PC: variants seen among roughly 807,000 people sequenced by gnomAD.
PC encodes pyruvate carboxylase.
A neutral mutation model predicts 107.8 loss-of-function variants in PC; 46 were observed. That is an observed-to-expected ratio of 0.43 (90% CI 0.34 to 0.55). PC has a LOEUF of 0.55. PC is among the 20% of genes least tolerant of loss of function. PC has a pLI of 0.04. For missense variants in PC, 1,241 were observed against 1,643.1 expected (o/e 0.76, Z 4.23); for synonymous variants, 662 against 684.7 (o/e 0.97, Z 0.52).
rs1945289526 is a variant in PC at position 66,848,651 on chromosome 11, G to A, written c.*248C>T. On this transcript the variant is annotated 3_prime_UTR_variant, in exon 23 of 23. Coordinates refer to ENST00000393960, the MANE Select transcript of PC (RefSeq NM_001040716.2). ...CCTAGGACCACCTGACCCACCACTT[G>A]TAGTCTCCAGTGAGGAGGGGACCCT... 3.3e-6 allele frequency: 2 copies of A among 614,414 alleles called. No homozygotes were observed. The highest frequency in any genetic ancestry group is 2.7e-5 in the East Asian group (1 of 36,570). The allele number at this position is 614,414 out of a possible 1,614,324, so 38.1% of individuals were successfully genotyped here.
In PC at chr11:66,852,654, G is replaced by A; in HGVS notation, c.1610C>T (p.Pro537Leu). Reference protein sequence around the residue: ...PVVPAVPIGPPPAGFRDILLR... With the variant: ...PVVPAVPIGPLPAGFRDILLR... ...CAGGATGTCTCTGAAACCAGCCGGGGGCGGGCCTAGGGTAGACAGGGGCAT... is the reference window on the plus strand; with the variant it reads ...CAGGATGTCTCTGAAACCAGCCGGGAGCGGGCCTAGGGTAGACAGGGGCAT... The change falls in exon 15 of 23, where the codon CCC becomes CTC. Residue 537 changes from proline to leucine, a missense_variant. Physicochemically the swap from Pro to Leu is moderately conservative, Grantham distance 98. Transcript: ENST00000393960. The surrounding 1 kb of genome is among the most constrained non-coding windows in gnomAD (Gnocchi z 4.7). The A allele has an allele frequency of 6.2e-7, 1 of 1,613,690 alleles. No homozygotes were observed. The highest frequency in any genetic ancestry group is 8.5e-7 in the Non-Finnish European group (1 of 1,179,706).
intron 3 of PC, among the ~76,000 whole-genome samples, chr11:66,903,752 GAAAAA>G (rs1175402409): frequency 3.1e-4 from 24 of 76,192 alleles, no homozygotes; most frequent in South Asian, 7.9e-4. Context: ...TCCATCTCAG[GAAAAA>G]AAAAAAAAAA....
intron 3 of PC, among the ~76,000 whole-genome samples, chr11:66,873,665 C>T (rs1042775643): frequency 6.8e-6 from 1 of 146,458 alleles, no homozygotes; most frequent in African/African-American, 2.5e-5. Flanking sequence ...TGAAGGAAAC[C>T]AAGGTACAGT....
At chr11:66,856,441 CCGGAGG>C (rs1009452880) in intron 12 of PC, among the ~76,000 whole-genome samples, 3 of 151,940 alleles carry the variant, frequency 2.0e-5, no homozygotes, top group African/African-American at 7.2e-5. Flanking sequence ...GGGCGCCTGC[CCGGAGG>C]CCAAGCCCTC....
intron 3 of PC, among the ~76,000 whole-genome samples, chr11:66,885,221 G>A (rs1339695441): frequency 6.6e-6 from 1 of 152,184 alleles, no homozygotes; most frequent in Non-Finnish European, 1.5e-5. Context: ...AGGCGCGATG[G>A]CTCACGCCTG....
At chr11:66,855,675 G>A (rs941407784) in intron 12 of PC, among the ~76,000 whole-genome samples, 1 of 152,222 alleles carries the variant, frequency 6.6e-6, no homozygotes, top group Non-Finnish European at 1.5e-5. Flanking sequence ...CCTGCACCAG[G>A]ACTGAATCCC....
chr11:66,925,343 G>A lies in PC; in HGVS notation c.-1+27087C>T, dbSNP rs532011538. On this transcript the variant is annotated intron_variant, in intron 3 of 22. Coordinates refer to ENST00000393960, the MANE Select transcript of PC (RefSeq NM_001040716.2). ...CCCTACGGCTTAGACCATAAAAGAC[G>A]GCTGCCCCCGAAGCGGCCATTTCAG... Among the ~76,000 whole-genome samples the A allele has an allele frequency of 1.6e-4, 24 of 152,206 alleles. No individual in the cohort carries two copies. In the South Asian group the frequency reaches 2.3e-3, roughly 14 times the overall value.
intron 3 of PC, among the ~76,000 whole-genome samples, chr11:66,883,060 A>T (rs117303800): frequency 0.15 from 23,120 of 152,246 alleles, 2,275 homozygotes; most frequent in Non-Finnish European, 0.22. Flanking sequence ...CTGGGCCCCC[A>T]GGAGCGCCGG....
At chr11:66,889,037 G>A (rs972074825) in intron 3 of PC, among the ~76,000 whole-genome samples, 4 of 152,140 alleles carry the variant, frequency 2.6e-5, no homozygotes, top group South Asian at 2.1e-4. Flanking sequence ...TCGCGACACC[G>A]CACCCCAGCC....
intron 11 of PC, among the ~76,000 whole-genome samples, chr11:66,864,386 C>A (rs954468140): frequency 6.6e-6 from 1 of 152,260 alleles, no homozygotes; most frequent in East Asian, 1.9e-4. Context: ...AAGGGCCTCG[C>A]CGTGGGCTCC....
rs138231691 is a variant in PC at position 66,906,883 on chromosome 11, C to T, written c.1-34724G>A. 3.9e-5 allele frequency among the ~76,000 whole-genome samples: 6 copies of T among 152,334 alleles called. 1 individual carries two copies. In the East Asian group the frequency reaches 5.8e-4, roughly 15 times the overall value. On this transcript the variant is annotated intron_variant, in intron 3 of 22. Coordinates refer to ENST00000393960, the MANE Select transcript of PC (RefSeq NM_001040716.2). Reference sequence around the variant, plus strand: ...GCCAGAGGTCTGGTCTCCCAAAATACGGGTAGTAACATGTTTTTCCTGCAC... The same window carrying T: ...GCCAGAGGTCTGGTCTCCCAAAATATGGGTAGTAACATGTTTTTCCTGCAC...
intron 3 of PC, among the ~76,000 whole-genome samples, chr11:66,906,711 C>T (rs976893378): frequency 3.3e-5 from 5 of 152,024 alleles, no homozygotes; most frequent in Admixed American, 1.3e-4. Context: ...CATGACCTGG[C>T]AGGGAGCCTG....
intron 16 of PC, 74 bp downstream of exon 16, chr11:66,851,716 G>A: frequency 6.8e-7 from 1 of 1,468,444 alleles, no homozygotes; most frequent in Non-Finnish European, 9.5e-7. Flanking sequence ...GTGGAGAACA[G>A]AGGCCATCAC....
rs138282073 is a variant in PC at position 66,930,018 on chromosome 11, G to A, written c.-1+22412C>T. 8.1e-4 allele frequency among the ~76,000 whole-genome samples: 123 copies of A among 151,904 alleles called. 2 individuals carry two copies. The highest frequency in any genetic ancestry group is 2.6e-3 in the African/African-American group (107 of 41,430). ...GAAGCACGGCCCAGAGCCCAGCCAC[G>A]GTGGGAAATCTAAAGAGATCTTACC... is the stretch of plus-strand genomic sequence containing the variant. On this transcript the variant is annotated intron_variant, in intron 3 of 22. Coordinates refer to ENST00000393960, the MANE Select transcript of PC (RefSeq NM_001040716.2).
At chr11:66,907,553 C>T (rs538664418) in intron 3 of PC, among the ~76,000 whole-genome samples, 2 of 152,146 alleles carry the variant, frequency 1.3e-5, no homozygotes, top group Admixed American at 6.5e-5. Context: ...CAAATCTGTT[C>T]TCAGGTCAAG....
At chr11:66,931,376 C>T (rs1458377807) in intron 3 of PC, among the ~76,000 whole-genome samples, 1 of 116,516 alleles carries the variant, frequency 8.6e-6, no homozygotes, top group Non-Finnish European at 1.7e-5. Flanking sequence ...GGCAAGATTC[C>T]ATCTCAAGAA....
chr11:66,879,324 G>A (rs1351499343), intron 3 of PC, among the ~76,000 whole-genome samples: 1 of 152,232 alleles, frequency 6.6e-6, no homozygotes, highest in African/African-American at 2.4e-5. Flanking sequence ...TACACTTGGA[G>A]CAAACACACA....
intron 3 of PC, among the ~76,000 whole-genome samples, chr11:66,880,557 C>T (rs1009956126): frequency 4.6e-5 from 7 of 152,212 alleles, no homozygotes; most frequent in African/African-American, 1.2e-4. Context: ...ATGACACTCC[C>T]GGTCCTCAGG....
intron 3 of PC, among the ~76,000 whole-genome samples, chr11:66,932,030 A>C (rs1028835562): frequency 1.3e-5 from 2 of 151,430 alleles, no homozygotes; most frequent in African/African-American, 4.9e-5. Context: ...AAAAAAAAAA[A>C]AAAAGAAAAA....
Sources: allele counts gnomAD v4.1 joint callset (sites outside exome capture counted in the v4.1 genomes callset), GRCh38; gene constraint gnomAD v4.1.1; non-coding constraint Gnocchi (gnomAD v3.1); transcripts MANE v1.5; gene names NCBI Gene and HGNC (gene_info 2026-07-23, HGNC 2026-07-21).